Variants in SLC36A1 observed in about 807,000 individuals in gnomAD.
SLC36A1 encodes solute carrier family 36 member 1.
A neutral mutation model predicts 47.5 loss-of-function variants in SLC36A1; 30 were observed. The ratio of observed to expected loss-of-function variants is 0.63; its 90% CI spans 0.47 to 0.86. SLC36A1 has a LOEUF of 0.86. Among genes scored for constraint, SLC36A1 ranks in the 40% least tolerant of loss-of-function variants. The pLI, the probability that SLC36A1 is intolerant of heterozygous loss-of-function variation, is 0.00. For missense variants in SLC36A1, 517 were observed against 606.0 expected (o/e 0.85, Z 1.54); for synonymous variants, 255 against 249.7 (o/e 1.02, Z -0.20).
At chr5:151,386,607 A>G in the SLC36A1 span, among the ~76,000 whole-genome samples, 1 of 152,014 alleles carries the variant, frequency 6.6e-6, no homozygotes, top group Non-Finnish European at 1.5e-5. Flanking sequence ...TCTTGGTGGC[A>G]CTGTCAATCA....
At chr5:151,389,413 T>A in the SLC36A1 span, among the ~76,000 whole-genome samples, 1 of 103,798 alleles carries the variant, frequency 9.6e-6, no homozygotes, top group African/African-American at 3.5e-5. Context: ...TTTCTTTTAA[T>A]TTTTTTTTAA....
chr5:151,519,156 C>A, the SLC36A1 span, among the ~76,000 whole-genome samples: 1 of 152,160 alleles, frequency 6.6e-6, no homozygotes, highest in Non-Finnish European at 1.5e-5. Context: ...CCAGCCTGGT[C>A]AACGTGGTGA....
At chr5:151,350,540 A>G in the SLC36A1 span, among the ~76,000 whole-genome samples, 1 of 152,226 alleles carries the variant, frequency 6.6e-6, no homozygotes, top group African/African-American at 2.4e-5. Flanking sequence ...CTGGGACTTC[A>G]TGCATCAATC....
chr5:151,390,581 G>A, the SLC36A1 span, among the ~76,000 whole-genome samples: 1 of 152,144 alleles, frequency 6.6e-6, no homozygotes, highest in Non-Finnish European at 1.5e-5. Context: ...ATTAATTTTT[G>A]TATAAGGTGT....
intron 2 of SLC36A1, among the ~76,000 whole-genome samples, chr5:151,459,439 G>A (rs1164435280): frequency 1.3e-5 from 2 of 152,230 alleles, no homozygotes; most frequent in Non-Finnish European, 2.9e-5. Flanking sequence ...TTAATCTCTT[G>A]TCTCCAGAAA....
the SLC36A1 span, among the ~76,000 whole-genome samples, chr5:151,414,175 AG>A: frequency 9.2e-5 from 14 of 152,230 alleles, no homozygotes; most frequent in Non-Finnish European, 1.5e-4. Context: ...AATTAAGAAG[AG>A]AAAAATAAGG....
At chr5:151,411,661 C>G in the SLC36A1 span, among the ~76,000 whole-genome samples, 1 of 144,822 alleles carries the variant, frequency 6.9e-6, no homozygotes, top group South Asian at 2.5e-4. Flanking sequence ...CTGACTGCCT[C>G]AGGATCCTTT....
At chr5:151,534,939 A>ATCC in the SLC36A1 span, among the ~76,000 whole-genome samples, 1 of 145,120 alleles carries the variant, frequency 6.9e-6, no homozygotes, top group Non-Finnish European at 1.5e-5. Context: ...AAATGCATTT[A>ATCC]TCCTTTGGTT....
the SLC36A1 span, among the ~76,000 whole-genome samples, chr5:151,361,844 G>A: frequency 6.6e-6 from 1 of 152,116 alleles, no homozygotes; most frequent in African/African-American, 2.4e-5. Context: ...GCTGGAAGTA[G>A]TATTCTTGGA....
chr5:151,454,853 C>T (rs1389680231), intron 1 of SLC36A1, among the ~76,000 whole-genome samples: 1 of 151,966 alleles, frequency 6.6e-6, no homozygotes, highest in Admixed American at 6.6e-5. Context: ...GCTGGGACTA[C>T]AGGCGCCCGC....
chr5:151,481,088 C>A (rs1279272203), intron 10 of SLC36A1, among the ~76,000 whole-genome samples: 1 of 152,198 alleles, frequency 6.6e-6, no homozygotes, highest in African/African-American at 2.4e-5. Context: ...CAGCACCCTG[C>A]AGGAGACAGC....
At chr5:151,393,282 G>A in the SLC36A1 span, among the ~76,000 whole-genome samples, 16 of 151,896 alleles carry the variant, frequency 1.1e-4, no homozygotes, top group Admixed American at 3.3e-4. Context: ...CCTTTATTTT[G>A]AGCCTATGTG....
the SLC36A1 span, among the ~76,000 whole-genome samples, chr5:151,538,878 G>A: frequency 6.6e-6 from 1 of 151,776 alleles, no homozygotes; most frequent in Non-Finnish European, 1.5e-5. Context: ...TAGAGACGGG[G>A]TTTCACCATG....
chr5:151,384,222 A>G, the SLC36A1 span, among the ~76,000 whole-genome samples: 5 of 152,138 alleles, frequency 3.3e-5, no homozygotes, highest in African/African-American at 1.2e-4. Flanking sequence ...ACTTTCTGGG[A>G]GATCCAACAT....
chr5:151,373,600 T>C, the SLC36A1 span, among the ~76,000 whole-genome samples: 4 of 152,306 alleles, frequency 2.6e-5, no homozygotes, highest in African/African-American at 9.6e-5. Flanking sequence ...AGATAATTAC[T>C]GGCAGATCTG....
the SLC36A1 span, among the ~76,000 whole-genome samples, chr5:151,548,241 C>A: frequency 6.6e-6 from 1 of 151,924 alleles, no homozygotes; most frequent in African/African-American, 2.4e-5. Flanking sequence ...GGGCAGACAG[C>A]AAATTATTTT....
At chr5:151,347,574 C>T in the SLC36A1 span, 1 of 1,383,814 alleles carries the variant, frequency 7.2e-7, no homozygotes, top group Admixed American at 1.7e-5. Flanking sequence ...TGTGCCCGGG[C>T]TGGCTCTGGC....
the SLC36A1 span, among the ~76,000 whole-genome samples, chr5:151,531,144 G>C: frequency 6.6e-5 from 10 of 152,292 alleles, no homozygotes; most frequent in South Asian, 2.1e-3. This position sits in a 1 kb window ranked among gnomAD's most constrained non-coding sequence, Gnocchi z 5.7. Flanking sequence ...GGAAAATTAA[G>C]GGGTGCCAGG....
chr5:151,400,727 G>A, the SLC36A1 span, among the ~76,000 whole-genome samples: 3 of 152,046 alleles, frequency 2.0e-5, no homozygotes, highest in African/African-American at 7.2e-5. Context: ...TCTGACTGGT[G>A]TGAGATGGTA....
Sources: gnomAD v4.1 joint callset for allele counts (sites outside exome capture counted in the v4.1 genomes callset) on GRCh38, gnomAD v4.1.1 for gene constraint, Gnocchi (gnomAD v3.1) non-coding constraint, MANE v1.5 for transcripts, NCBI Gene and HGNC (gene_info 2026-07-23, HGNC 2026-07-21) for gene names.